FAAH2: variants seen among roughly 807,000 people sequenced by gnomAD.
FAAH2 encodes fatty acid amide hydrolase 2, also known as fatty-acid amide hydrolase 2.
Under a neutral mutation model 36.9 loss-of-function variants are expected in FAAH2, and 60 were observed. The ratio of observed to expected loss-of-function variants is 1.63; its 90% confidence interval spans 1.32 to 2.02. FAAH2 has a LOEUF of 2.02. Among genes scored for constraint, FAAH2 ranks in the 30% most tolerant of loss-of-function variants. FAAH2 has a pLI of 0.00. For synonymous variants in FAAH2, 214 were observed against 143.8 expected (o/e 1.49, Z -3.49); for missense variants, 689 against 397.5 (o/e 1.73, Z -6.23).
chrX:57,185,250 C>G, the FAAH2 span, among the ~76,000 whole-genome samples: 1 of 110,783 alleles, frequency 9.0e-6, no homozygotes, highest in Admixed American at 9.7e-5. Context: ...ACTACCCTTC[C>G]CAGCCTCTGG....
the FAAH2 span, among the ~76,000 whole-genome samples, chrX:57,171,093 CT>C: frequency 9.0e-6 from 1 of 111,200 alleles, no homozygotes; most frequent in East Asian, 2.8e-4. Context: ...ATATATTATT[CT>C]TTTTTTATGG....
the FAAH2 span, among the ~76,000 whole-genome samples, chrX:57,267,049 C>A: frequency 8.9e-6 from 1 of 111,825 alleles, no homozygotes; most frequent in Admixed American, 9.4e-5. Flanking sequence ...AAGACAGTCT[C>A]AGGTGCCCTG....
intron 5 of FAAH2, among the ~76,000 whole-genome samples, chrX:57,346,251 C>T (rs182991049): frequency 8.1e-5 from 9 of 111,460 alleles, no homozygotes; most frequent in Admixed American, 2.9e-4. Flanking sequence ...TATTGTGTGG[C>T]TAAGTTTTTT....
At chrX:57,400,776 C>A (rs926534884) in intron 7 of FAAH2, among the ~76,000 whole-genome samples, 4 of 112,274 alleles carry the variant, frequency 3.6e-5, no homozygotes, top group Admixed American at 2.8e-4. Context: ...GTTAGCTGAG[C>A]TGAGCCTTTG....
At chrX:57,126,497 G>A in the FAAH2 span, among the ~76,000 whole-genome samples, 4 of 112,104 alleles carry the variant, frequency 3.6e-5, no homozygotes, top group African/African-American at 9.7e-5. Context: ...GGCATTTTCC[G>A]TTGGAGGAGA....
intron 5 of FAAH2, among the ~76,000 whole-genome samples, chrX:57,375,947 A>C (rs888692075): frequency 4.6e-4 from 51 of 111,617 alleles, no homozygotes; most frequent in African/African-American, 1.4e-3. Context: ...ATTTTTCTAT[A>C]TATATATTGA....
the FAAH2 span, among the ~76,000 whole-genome samples, chrX:57,210,121 A>G: frequency 1.8e-5 from 2 of 109,713 alleles, no homozygotes; most frequent in African/African-American, 3.3e-5. Flanking sequence ...TAGAGTTAAA[A>G]CCAGGTACTG....
At chrX:57,323,688 T>G (rs1215090006) in intron 3 of FAAH2, among the ~76,000 whole-genome samples, 9 of 104,045 alleles carry the variant, frequency 8.7e-5, no homozygotes, top group Non-Finnish European at 1.2e-4. Context: ...GGTTGTTTTT[T>G]TTTTTTTTTT....
intron 7 of FAAH2, among the ~76,000 whole-genome samples, chrX:57,385,980 C>T (rs1244356962): frequency 1.8e-5 from 2 of 109,754 alleles, no homozygotes; most frequent in South Asian, 3.8e-4. Flanking sequence ...TAAAATTATA[C>T]GTTATTTTTA....
chrX:57,299,148 CA>C (rs1390226223), intron 2 of FAAH2, among the ~76,000 whole-genome samples: 5 of 110,340 alleles, frequency 4.5e-5, no homozygotes, highest in East Asian at 2.9e-4. Flanking sequence ...AGAGACACAA[CA>C]AAAAAAAGAG....
At chrX:57,395,185 G>A (rs2055264547) in intron 7 of FAAH2, 1 of 533,765 alleles carries the variant, frequency 1.9e-6, no homozygotes, top group South Asian at 2.2e-5. Flanking sequence ...AGATTCTGTG[G>A]TTGTTCTTGG....
chrX:57,192,409 A>T, the FAAH2 span, among the ~76,000 whole-genome samples: 3 of 111,399 alleles, frequency 2.7e-5, no homozygotes, highest in Non-Finnish European at 5.7e-5. Context: ...GAATAATTTG[A>T]CTTTGTTCTT....
At chrX:57,216,495 C>T in the FAAH2 span, among the ~76,000 whole-genome samples, 9 of 54,383 alleles carry the variant, frequency 1.7e-4, no homozygotes, top group Admixed American at 4.7e-4. Context: ...TATATATATA[C>T]GTATATGTAT....
At chrX:57,266,568 G>T in the FAAH2 span, among the ~76,000 whole-genome samples, 12 of 112,519 alleles carry the variant, frequency 1.1e-4, no homozygotes, top group African/African-American at 3.9e-4. Flanking sequence ...TATAAAAAGA[G>T]CAAAGACCTT....
intron 10 of FAAH2, chrX:57,452,217 A>C: frequency 4.0e-6 from 3 of 754,507 alleles, no homozygotes; most frequent in Non-Finnish European, 4.7e-6. Flanking sequence ...CTCATCTGAG[A>C]AACCCATTGA....
the FAAH2 span, chrX:57,122,042 T>G: frequency 2.7e-5 from 3 of 112,002 alleles, no homozygotes; most frequent in African/African-American, 9.8e-5. Flanking sequence ...TGTTTTTGTT[T>G]TCGAGGGATT....
intron 5 of FAAH2, among the ~76,000 whole-genome samples, chrX:57,354,897 C>A (rs1383221574): frequency 9.1e-6 from 1 of 110,149 alleles, no homozygotes; most frequent in Non-Finnish European, 1.9e-5. Flanking sequence ...TTTGATATGT[C>A]TTGTGTTCAC....
At chrX:57,165,941 C>T in the FAAH2 span, among the ~76,000 whole-genome samples, 1 of 110,162 alleles carries the variant, frequency 9.1e-6, no homozygotes, top group Non-Finnish European at 1.9e-5. Context: ...CATCCTGTGC[C>T]TATAAAAAAT....
chrX:57,352,527 G>A (rs762535015), intron 5 of FAAH2, among the ~76,000 whole-genome samples: 4 of 110,539 alleles, frequency 3.6e-5, no homozygotes, highest in African/African-American at 1.3e-4. Context: ...GGGAAATGCT[G>A]AAAGCACTTC....
Sources: allele counts gnomAD v4.1 joint callset (sites outside exome capture counted in the v4.1 genomes callset), GRCh38; gene constraint gnomAD v4.1.1; transcripts MANE v1.5; gene names NCBI Gene and HGNC (gene_info 2026-07-23, HGNC 2026-07-21).